Variants in THUMPD3 observed in about 807,000 individuals in gnomAD.
THUMPD3 encodes tRNA (guanine(6)-N(2))-methyltransferase THUMP3.
Under a neutral mutation model 54.5 loss-of-function variants are expected in THUMPD3, and 44 were observed. That is an observed-to-expected ratio of 0.81 (90% CI 0.63 to 1.04). The LOEUF (loss-of-function observed/expected upper bound fraction) is 1.04. Ranked by LOEUF, THUMPD3 falls within the 50% of genes least tolerant of loss-of-function variation. THUMPD3 has a pLI of 0.00. For synonymous variants in THUMPD3, 196 were observed against 201.4 expected, an observed-to-expected ratio of 0.97 and a Z score of 0.23; for missense variants, 604 against 601.3, an observed-to-expected ratio of 1.00 and a Z score of -0.05.
At position 9,371,662 on chromosome 3, in the gene THUMPD3, G is replaced by A. The variant is rs573122655; in HGVS notation, c.807+126G>A. On this transcript the variant is annotated intron_variant, in intron 4 of 9. Coordinates refer to ENST00000452837, the MANE Select transcript of THUMPD3 (RefSeq NM_001114092.2). ...GTAGGGTGTGGTTAAGAAGAGCATAGGCTATGGAGACAGATTTAGATCCAA... is the reference window on the plus strand; with the variant it reads ...GTAGGGTGTGGTTAAGAAGAGCATAAGCTATGGAGACAGATTTAGATCCAA... 3.2e-5 allele frequency: 27 copies of A among 837,206 alleles called. No homozygotes were observed. In the African/African-American group the frequency reaches 4.4e-4, roughly 14 times the overall value. The allele number at this position is 837,206 out of a possible 1,614,324, so 51.9% of individuals were successfully genotyped here.
At chr3:9,367,279 A>G (rs1403821686) in intron 3 of THUMPD3, among the ~76,000 whole-genome samples, 2 of 152,262 alleles carry the variant, frequency 1.3e-5, no homozygotes, top group Non-Finnish European at 2.9e-5. Context: ...TAGTTCCAAA[A>G]GAGAATTGCT....
intron 5 of THUMPD3, among the ~76,000 whole-genome samples, chr3:9,376,600 C>G (rs2032474526): frequency 6.6e-6 from 1 of 152,136 alleles, no homozygotes; most frequent in Non-Finnish European, 1.5e-5. Context: ...TAGAGCAGGA[C>G]CAATGTTACA....
chr3:9,372,826 T>C (rs1254457542), intron 4 of THUMPD3, among the ~76,000 whole-genome samples: 1 of 152,212 alleles, frequency 6.6e-6, no homozygotes, highest in Non-Finnish European at 1.5e-5. Context: ...CTCTAGCAGC[T>C]GATATATTTA....
chr3:9,379,371 C>T (rs2032704785), intron 6 of THUMPD3, among the ~76,000 whole-genome samples: 1 of 152,134 alleles, frequency 6.6e-6, no homozygotes, highest in African/African-American at 2.4e-5. Context: ...TGTTATCACC[C>T]TCAAGTGTCT....
At chr3:9,378,939 C>CAG (rs2032671758) in intron 6 of THUMPD3, among the ~76,000 whole-genome samples, 1 of 151,986 alleles carries the variant, frequency 6.6e-6, no homozygotes, top group African/African-American at 2.4e-5. Context: ...AAATACACAA[C>CAG]AGAGCTCCGA....
intron 3 of THUMPD3, among the ~76,000 whole-genome samples, chr3:9,369,178 C>T (rs1311427027): frequency 1.3e-5 from 2 of 151,536 alleles, no homozygotes; most frequent in Non-Finnish European, 2.9e-5. Context: ...GGTGCGGTGG[C>T]GGGCTTCTGT....
intron 3 of THUMPD3, among the ~76,000 whole-genome samples, chr3:9,369,292 A>C (rs2031825350): frequency 1.5e-5 from 2 of 133,988 alleles, no homozygotes; most frequent in Non-Finnish European, 3.1e-5. Flanking sequence ...TCTGGGCAAC[A>C]GAGCAAGACT....
At position 9,384,303 on chromosome 3, in the gene THUMPD3, C is replaced by T; in HGVS notation, c.1327C>T (p.Leu443=). 6.2e-7 allele frequency: 1 copy of T among 1,614,156 alleles called. No individual in the cohort carries two copies. Among genetic ancestry groups the T allele is most frequent in the Non-Finnish European group, 8.5e-7 (1 of 1,180,040 alleles). ...CACACCTACCACAGGCCGAGCTGTACTACTTACTCAAGACACAAAATGCTT... is the reference window on the plus strand; with the variant it reads ...CACACCTACCACAGGCCGAGCTGTATTACTTACTCAAGACACAAAATGCTT... ...VCTPTTGRAV[L]LTQDTKCFTK... Residue 443 remains leucine (L), a synonymous_variant, in exon 9 of 10, where the codon CTA becomes TTA. Coordinates refer to ENST00000452837, the MANE Select transcript of THUMPD3 (RefSeq NM_001114092.2).
At chr3:9,365,720 T>C (rs1037264427) in intron 2 of THUMPD3, among the ~76,000 whole-genome samples, 2 of 152,026 alleles carry the variant, frequency 1.3e-5, no homozygotes, top group Non-Finnish European at 2.9e-5. Flanking sequence ...GCCTCCCCAG[T>C]AGCTGGGACT....
Position 9,384,439 on chromosome 3 carries a change from G to A in THUMPD3, c.1360-85G>A, listed in dbSNP as rs952490378. On this transcript the variant is annotated intron_variant, in intron 9 of 9. Coordinates refer to ENST00000452837, the MANE Select transcript of THUMPD3 (RefSeq NM_001114092.2). ...TAAGATTTGTTTTCTCTTCCCCTGA[G>A]GTTTCCTATCTTGGCAGTTAAGAAT... 12 of 1,601,172 alleles carry A rather than the reference G, an allele frequency of 7.5e-6. No homozygotes were observed. The African/African-American group carries it at 1.2e-4, about 16-fold the overall frequency.
intron 6 of THUMPD3, 87 bp from the exon 7 acceptor site, chr3:9,380,416 A>C: frequency 2.2e-6 from 2 of 899,428 alleles, no homozygotes. Flanking sequence ...CACTCTAGAA[A>C]AGCACTGGAT....
Position 9,374,499 on chromosome 3 carries a change from G to C in THUMPD3, c.808-17G>C. 6.2e-7 allele frequency: 1 copy of C among 1,611,722 alleles called. No homozygotes were observed. The highest frequency in any genetic ancestry group is 1.1e-5 in the South Asian group (1 of 90,908). ...AACAATCCTAAAACTATTTTGTCTT[G>C]TTCCACTTTGCTATAGGTTCTTTTG... On this transcript the variant is annotated splice_polypyrimidine_tract_variant and intron_variant, in intron 4 of 9. Transcript: ENST00000452837.
intron 5 of THUMPD3, among the ~76,000 whole-genome samples, chr3:9,377,484 G>C (rs1008252317): frequency 6.6e-6 from 1 of 151,886 alleles, no homozygotes; most frequent in Non-Finnish European, 1.5e-5. Context: ...AGCAATTCTC[G>C]AGTCTCAGCC....
intron 5 of THUMPD3, among the ~76,000 whole-genome samples, chr3:9,377,114 G>A (rs1218109216): frequency 1.3e-5 from 2 of 152,026 alleles, no homozygotes; most frequent in African/African-American, 2.4e-5. Flanking sequence ...TTATATTGAT[G>A]CATGTTTGAC....
At position 9,366,627 on chromosome 3, in the gene THUMPD3, C is replaced by T. The variant is rs560754672; in HGVS notation, c.253-281C>T. Among the ~76,000 whole-genome samples the T allele has an allele frequency of 5.9e-5, 9 of 152,356 alleles. No individual in the cohort carries two copies. The East Asian group carries it at 1.7e-3, about 29-fold the overall frequency. On this transcript the variant is annotated intron_variant, in intron 2 of 9. Transcript: ENST00000452837. ...CATCGAGGAAATATGATACAGCCCACCTGAGTGGCTTCACCTTTCTCTTCT... is the reference window on the plus strand; with the variant it reads ...CATCGAGGAAATATGATACAGCCCATCTGAGTGGCTTCACCTTTCTCTTCT...
chr3:9,368,296 A>T (rs569729240), intron 3 of THUMPD3, among the ~76,000 whole-genome samples: 6 of 151,258 alleles, frequency 4.0e-5, no homozygotes, highest in East Asian at 1.9e-4. Context: ...AGCCTCCCAA[A>T]GTGCTGGGAT....
Position 9,371,458 on chromosome 3 carries a change from T to A in THUMPD3, c.729T>A (p.Asn243Lys). The A allele has an allele frequency of 1.2e-6, 2 of 1,614,180 alleles. No individual in the cohort carries two copies. The highest frequency in any genetic ancestry group is 1.1e-5 in the South Asian group (1 of 91,078). Residue 243 changes from asparagine (N) to lysine (K), a missense_variant, in exon 4 of 10, where the codon AAT (asparagine) becomes AAA (lysine). By Grantham distance (94) the Asn-to-Lys change is moderately conservative. Transcript: ENST00000452837. ...RAGEKHCFTS[N>K]EAARDFGGAV... ...GAGAGAAACATTGCTTTACCTCAAA[T>A]GAGGCTGCAAGAGATTTTGGGGGTG...
intron 5 of THUMPD3, among the ~76,000 whole-genome samples, chr3:9,377,520 C>T (rs1173378731): frequency 2.0e-5 from 3 of 152,034 alleles, no homozygotes; most frequent in African/African-American, 2.4e-5. Context: ...ATTACAGGCA[C>T]CCACCACCAC....
At chr3:9,374,385 T>G in intron 4 of THUMPD3, 131 bp from the exon 5 acceptor site, 1 of 1,062,576 alleles carries the variant, frequency 9.4e-7, no homozygotes, top group South Asian at 1.5e-5. Flanking sequence ...ATCAATATGG[T>G]GACCTCCCAG....
Sources: allele counts gnomAD v4.1 joint callset (sites outside exome capture counted in the v4.1 genomes callset), GRCh38; gene constraint gnomAD v4.1.1; transcripts MANE v1.5; gene names NCBI Gene and HGNC (gene_info 2026-07-23, HGNC 2026-07-21).